The following ST18 variants were observed in gnomAD, a reference collection of about 807,000 sequenced individuals.
ST18 encodes the protein ST18 C2H2C-type zinc finger transcription factor.
A neutral mutation model predicts 110.0 loss-of-function variants in ST18; 50 were observed. That is an observed-to-expected ratio of 0.45 (90% CI 0.36 to 0.58). The LOEUF is 0.58. Ranked by LOEUF, ST18 falls within the 20% of genes least tolerant of loss-of-function variation. The pLI is 0.00. For missense variants in ST18, 1,306 were observed against 1,280.1 expected (o/e 1.02, Z -0.31); for synonymous variants, 461 against 452.4 (o/e 1.02, Z -0.24).
intron 8 of ST18, among the ~76,000 whole-genome samples, chr8:52,183,671 C>T (rs996419565): frequency 2.6e-5 from 4 of 152,054 alleles, no homozygotes; most frequent in Non-Finnish European, 5.9e-5. Context: ...CTAGTAGTGA[C>T]AAAAATAGGT....
chr8:52,318,488 C>T (rs1040478476), intron 2 of ST18, among the ~76,000 whole-genome samples: 1 of 152,156 alleles, frequency 6.6e-6, no homozygotes, highest in Non-Finnish European at 1.5e-5. Context: ...AAGACAGTGG[C>T]AATTCCTCAA....
At chr8:52,259,683 G>A (rs1245681604) in intron 2 of ST18, among the ~76,000 whole-genome samples, 1 of 152,022 alleles carries the variant, frequency 6.6e-6, no homozygotes, top group African/African-American at 2.4e-5. Context: ...GCTTTTCATG[G>A]GTTAATTAGG....
At chr8:52,302,304 TG>T (rs2095737859) in intron 2 of ST18, among the ~76,000 whole-genome samples, 1 of 152,188 alleles carries the variant, frequency 6.6e-6, no homozygotes, top group African/African-American at 2.4e-5. Flanking sequence ...GGTGCTGGAC[TG>T]GAATTGGAGG....
chr8:52,392,131 T>A (rs557597824), intron 2 of ST18, among the ~76,000 whole-genome samples: 1 of 152,316 alleles, frequency 6.6e-6, no homozygotes, highest in Admixed American at 6.5e-5. Context: ...AGGATCTGTG[T>A]ATGGAGTTGA....
intron 2 of ST18, among the ~76,000 whole-genome samples, chr8:52,292,569 G>A (rs1282561154): frequency 2.6e-5 from 4 of 152,130 alleles, no homozygotes; most frequent in South Asian, 2.1e-4. Context: ...GAACTCTGAC[G>A]TGTTATTAAC....
At position 52,127,751 on chromosome 8, in the gene ST18, G is replaced by C. The variant is rs188870546; in HGVS notation, c.2667-1611C>G. Among the ~76,000 whole-genome samples, 359 of 150,976 alleles carry C rather than the reference G, an allele frequency of 2.4e-3. 1 individual carries two copies. The highest frequency in any genetic ancestry group is 8.2e-3 in the African/African-American group (337 of 41,076). On this transcript the variant is annotated intron_variant, in intron 22 of 25. Transcript: ENST00000689386. ...AGGCTTTGCTTCCAAAATGCCACTT[G>C]ATTTTGTGTCTTCCAATGTAGAGAT... is the stretch of plus-strand genomic sequence containing the variant.
At chr8:52,335,961 C>T (rs1192267572) in intron 2 of ST18, among the ~76,000 whole-genome samples, 2 of 152,034 alleles carry the variant, frequency 1.3e-5, no homozygotes, top group South Asian at 2.1e-4. Context: ...CTCTGTGGCC[C>T]CCATCTGTCT....
Position 52,338,660 on chromosome 8 carries a change from G to GT in ST18, c.-465+70667dup, listed in dbSNP as rs1451674610. On this transcript the variant is annotated intron_variant, in intron 2 of 25. Coordinates refer to ENST00000689386, the MANE Select transcript of ST18 (RefSeq NM_001352837.2). ...GCTGGTCTCAAACTCCTGGACTAAA[G>GT]TGATTTGCCCGCCTTGGCCTCCCAA... 3.9e-5 allele frequency among the ~76,000 whole-genome samples: 6 copies of GT among 152,186 alleles called. No homozygotes were observed. The South Asian group carries it at 6.2e-4, about 16-fold the overall frequency.
At chr8:52,252,590 C>T (rs207469167) in intron 2 of ST18, among the ~76,000 whole-genome samples, 1 of 151,736 alleles carries the variant, frequency 6.6e-6, no homozygotes, top group Non-Finnish European at 1.5e-5. Flanking sequence ...ATACAACCAC[C>T]TTACGCTCTC....
intron 2 of ST18, among the ~76,000 whole-genome samples, chr8:52,238,815 T>C (rs1178797624): frequency 7.6e-6 from 1 of 130,856 alleles, no homozygotes; most frequent in Non-Finnish European, 1.5e-5. Context: ...TGTATGCACA[T>C]GGACATGGAA....
intron 13 of ST18, 116 bp from the exon 14 acceptor site, chr8:52,161,684 C>T: frequency 8.3e-7 from 1 of 1,198,256 alleles, no homozygotes; most frequent in African/African-American, 1.5e-5. Context: ...CACAGAGACA[C>T]TGAACAATAA....
intron 2 of ST18, among the ~76,000 whole-genome samples, chr8:52,259,924 G>C (rs902422400): frequency 1.2e-4 from 18 of 152,040 alleles, no homozygotes; most frequent in African/African-American, 4.3e-4. Context: ...TTTATCCTTT[G>C]TCATTTTTTA....
At chr8:52,161,593 A>G (rs2061473112) in intron 13 of ST18, 25 bp from the exon 14 acceptor site, 5 of 1,610,948 alleles carry the variant, frequency 3.1e-6, no homozygotes, top group Non-Finnish European at 1.7e-6. Flanking sequence ...GAAGCAGTTC[A>G]AAAGAAATAC....
intron 23 of ST18, among the ~76,000 whole-genome samples, chr8:52,124,994 A>T (rs981736609): frequency 2.0e-5 from 3 of 152,234 alleles, no homozygotes; most frequent in African/African-American, 4.8e-5. Context: ...TGTGCCAAAG[A>T]TGCCATCAAA....
intron 2 of ST18, among the ~76,000 whole-genome samples, chr8:52,355,550 C>T (rs533334081): frequency 1.1e-4 from 16 of 152,318 alleles, no homozygotes; most frequent in African/African-American, 3.8e-4. Flanking sequence ...CTCTATTCAT[C>T]CACAAAAGCA....
At chr8:52,216,881 A>T (rs2084461865) in intron 6 of ST18, among the ~76,000 whole-genome samples, 1 of 152,208 alleles carries the variant, frequency 6.6e-6, no homozygotes, top group Non-Finnish European at 1.5e-5. Context: ...AAAGATTTCC[A>T]CGTCAGTGTG....
chr8:52,117,873 ATT>A (rs1180861899), intron 24 of ST18, among the ~76,000 whole-genome samples: 4 of 152,224 alleles, frequency 2.6e-5, no homozygotes, highest in African/African-American at 9.6e-5. Context: ...GAATTGAGAA[ATT>A]GCTTGGGCTT....
chr8:52,250,596 C>G (rs756957338), intron 2 of ST18, among the ~76,000 whole-genome samples: 3 of 151,430 alleles, frequency 2.0e-5, no homozygotes, highest in Non-Finnish European at 4.4e-5. Flanking sequence ...TCCAACAAAC[C>G]CACCACAGTG....
At chr8:52,252,542 A>G (rs892088834) in intron 2 of ST18, among the ~76,000 whole-genome samples, 16 of 151,900 alleles carry the variant, frequency 1.1e-4, no homozygotes, top group African/African-American at 3.9e-4. Flanking sequence ...TCACATTAGG[A>G]TCTCATAAAA....
Sources: allele counts gnomAD v4.1 joint callset (sites outside exome capture counted in the v4.1 genomes callset), GRCh38; gene constraint gnomAD v4.1.1; transcripts MANE v1.5; gene names NCBI Gene and HGNC (gene_info 2026-07-23, HGNC 2026-07-21).